Variants in TNS2 observed in about 807,000 individuals in gnomAD.
The protein encoded by TNS2 is tensin 2, also known as tensin-2.
Under a neutral mutation model 155.7 loss-of-function variants are expected in TNS2, and 77 were observed. That is an observed-to-expected ratio of 0.49 (90% CI 0.41 to 0.60). The LOEUF (loss-of-function observed/expected upper bound fraction) is 0.60, where lower values mean the gene tolerates loss of function less well. Among genes scored for constraint, TNS2 ranks in the 20% least tolerant of loss-of-function variants. The pLI is 0.00. For missense variants in TNS2, 1,703 were observed against 1,868.8 expected, an observed-to-expected ratio of 0.91 and a Z score of 1.64; for synonymous variants, 726 against 763.9, an observed-to-expected ratio of 0.95 and a Z score of 0.82.
intron 4 of TNS2, 26 bp from the exon 5 acceptor site, chr12:53,053,748 C>T (rs1198067078): frequency 2.5e-6 from 4 of 1,609,494 alleles, no homozygotes; most frequent in African/African-American, 1.3e-5. Context: ...CTAACCACTC[C>T]CTTTTCCTCC....
chr12:53,058,133 C>T, intron 14 of TNS2, 31 bp downstream of exon 14: 2 of 1,614,004 alleles, frequency 1.2e-6, no homozygotes, highest in Non-Finnish European at 1.7e-6. Flanking sequence ...AAGAAGAATC[C>T]TGGAGATGGG....
In TNS2 at chr12:53,063,378, A is replaced by C. The variant is rs1944445211; in HGVS notation, c.4022A>C (p.Asn1341Thr). ...TTCTTTCGCCGCCATTATCCAGTGA[A>C]CAGCATCACCTTCTCCAGCACTGAC... ...KLFFRRHYPVNSITFSSTDPQ... is the reference protein window; with the variant it reads ...KLFFRRHYPVTSITFSSTDPQ... The change falls in exon 27 of 29, where the codon AAC becomes ACC. Residue 1341 changes from asparagine (N) to threonine (T), a missense_variant. Asn to Thr is a moderately conservative substitution (Grantham distance 65, BLOSUM62 0). Coordinates refer to ENST00000314250, the MANE Select transcript of TNS2 (RefSeq NM_170754.4). The surrounding 1 kb of genome is among the most constrained non-coding windows in gnomAD (Gnocchi z 5.6). The C allele has an allele frequency of 6.2e-7, 1 of 1,613,906 alleles. No homozygotes were observed. The highest frequency in any genetic ancestry group is 8.5e-7 in the Non-Finnish European group (1 of 1,179,952).
chr12:53,056,612 GTCTCTTCC>G (rs1555158466), intron 10 of TNS2, among the ~76,000 whole-genome samples: 1 of 152,152 alleles, frequency 6.6e-6, no homozygotes, highest in Non-Finnish European at 1.5e-5. Flanking sequence ...CTCTGTCTGT[GTCTCTTCC>G]TCTCTTCTTA....
At chr12:53,062,895 TG>T in intron 25 of TNS2, 193 bp from the exon 26 acceptor site, 1 of 921,192 alleles carries the variant, frequency 1.1e-6, no homozygotes, top group Non-Finnish European at 1.6e-6. Flanking sequence ...AAGACGATCA[TG>T]GGGTGGTAGC....
chr12:53,052,615 C>A, intron 3 of TNS2, 123 bp downstream of exon 3: 1 of 1,360,060 alleles, frequency 7.4e-7, no homozygotes, highest in Non-Finnish European at 1.0e-6. Context: ...ACTGGGGAAC[C>A]CCTCCTGGGT....
Position 53,059,713 on chromosome 12 carries a change from C to T in TNS2, c.2072C>T (p.Pro691Leu), listed in dbSNP as rs1037961663. 1.1e-5 allele frequency: 18 copies of T among 1,613,146 alleles called. No individual in the cohort carries two copies. The highest frequency in any genetic ancestry group is 1.5e-5 in the Non-Finnish European group (18 of 1,179,920). The change falls in exon 18 of 29, where the codon CCA becomes CTA. Residue 691 changes from proline to leucine, a missense_variant. Physicochemically the swap from Pro to Leu is moderately conservative, Grantham distance 98. Coordinates refer to ENST00000314250, the MANE Select transcript of TNS2 (RefSeq NM_170754.4). This position sits in a 1 kb window ranked among gnomAD's most constrained non-coding sequence, Gnocchi z 4.7. Reference sequence around the variant, plus strand: ...GGGCTGCCTGCCCTATACCCATGCCCAGCCTGCGAGGAGAAGCTGGCGCTG... The same window carrying T: ...GGGCTGCCTGCCCTATACCCATGCCTAGCCTGCGAGGAGAAGCTGGCGCTG... Reference protein sequence around the residue: ...DPGLPALYPCPACEEKLALPT... With the variant: ...DPGLPALYPCLACEEKLALPT...
In TNS2 at chr12:53,053,235, T is replaced by C. The variant is rs1193985306; in HGVS notation, c.223-176T>C. On this transcript the variant is annotated intron_variant, in intron 3 of 28. Coordinates refer to ENST00000314250, the MANE Select transcript of TNS2 (RefSeq NM_170754.4). Reference sequence around the variant, plus strand: ...AGCAACAAGTGGGGGGCCTGGGGGGTGGGGGACCAAGAGGCCAGAGGGGAG... The same window carrying C: ...AGCAACAAGTGGGGGGCCTGGGGGGCGGGGGACCAAGAGGCCAGAGGGGAG... The C allele has an allele frequency of 9.7e-6, 6 of 616,722 alleles. No individual in the cohort carries two copies. In the Admixed American group the frequency reaches 1.5e-4, roughly 16 times the overall value. 38.2% of individuals were successfully genotyped at this position (616,722 alleles called of 1,614,324 possible).
In TNS2 at chr12:53,059,044, C is replaced by T. The variant is rs772832302; in HGVS notation, c.1406-3C>T. The T allele has an allele frequency of 1.3e-6, 2 of 1,537,070 alleles. No homozygotes were observed. The highest frequency in any genetic ancestry group is 1.3e-5 in the South Asian group (1 of 79,496). On this transcript the variant is annotated splice_region_variant and splice_polypyrimidine_tract_variant and intron_variant, in intron 17 of 28. Transcript: ENST00000314250. This position sits in a 1 kb window ranked among gnomAD's most constrained non-coding sequence, Gnocchi z 4.7. ...TCCCTCCCTGATCCTCTTCCCCACT[C>T]AGGCTCCTTGACCCACACCCGGGGT...
chr12:53,052,578 C>T, intron 3 of TNS2, 86 bp downstream of exon 3: 1 of 1,546,914 alleles, frequency 6.5e-7, no homozygotes, highest in Non-Finnish European at 8.9e-7. Flanking sequence ...ACACTGGCAT[C>T]AACCCTCCAC....
upstream of TNS2, among the ~76,000 whole-genome samples, chr12:53,047,243 TC>T (rs1458294638): frequency 1.3e-4 from 17 of 131,376 alleles, no homozygotes; most frequent in Admixed American, 1.3e-3. Flanking sequence ...GGCCGCCCGC[TC>T]CCGCCACTGC....
At chr12:53,062,946 TAG>T (rs1944429623) in intron 25 of TNS2, 141 bp from the exon 26 acceptor site, 18 of 1,137,512 alleles carry the variant, frequency 1.6e-5, no homozygotes, top group Non-Finnish European at 2.2e-5. Context: ...GTAGATCCAG[TAG>T]AGTCATGGAA....
Position 53,059,139 on chromosome 12 carries a change from G to T in TNS2, c.1498G>T (p.Glu500Ter). ...GCAGACCCCCCCGGCACCCTCTCCA[G>T]AGCCTCCACCACCCCCCATGCTCTC... ...PRQTPPAPSP[E>*]PPPPPMLSVS... The change falls in exon 18 of 29, where the codon GAG (glutamate) becomes TAG (stop). Residue 500 changes from glutamate (E) to a stop codon, truncating the protein, a stop_gained. Transcript: ENST00000314250. LOFTEE classifies it high-confidence loss of function. This position sits in a 1 kb window ranked among gnomAD's most constrained non-coding sequence, Gnocchi z 4.7. 1 of 1,593,374 alleles carries T rather than the reference G, an allele frequency of 6.3e-7. No homozygotes were observed.
chr12:53,049,274 G>A (rs545414067), upstream of TNS2: 114 of 1,590,982 alleles, frequency 7.2e-5, 2 homozygotes, highest in South Asian at 1.0e-3. Context: ...CGGGGTTGCC[G>A]CGGGGGGAGG....
At chr12:53,057,876 G>A (rs1203280252) in intron 13 of TNS2, 43 bp downstream of exon 13, 13 of 1,613,074 alleles carry the variant, frequency 8.1e-6, no homozygotes, top group African/African-American at 1.3e-5. Context: ...CATGACCAGG[G>A]CCCCTCTTGC....
At chr12:53,055,375 T>C (rs1028673533) in intron 8 of TNS2, 139 bp downstream of exon 8, 3 of 1,159,476 alleles carry the variant, frequency 2.6e-6, no homozygotes, top group Non-Finnish European at 3.7e-6. Flanking sequence ...GATATATTAC[T>C]GGAGACACCC....
In TNS2 at chr12:53,060,043, C is replaced by G; in HGVS notation, c.2402C>G (p.Ala801Gly). The G allele has an allele frequency of 1.2e-6, 2 of 1,613,538 alleles. No individual in the cohort carries two copies. Among genetic ancestry groups the G allele is most frequent in the Non-Finnish European group, 1.7e-6 (2 of 1,179,930 alleles). Residue 801 changes from alanine to glycine, a missense_variant, in exon 18 of 29, where the codon GCA becomes GGA. Coordinates refer to ENST00000314250, the MANE Select transcript of TNS2 (RefSeq NM_170754.4). The surrounding 1 kb of genome is among the most constrained non-coding windows in gnomAD (Gnocchi z 6.1). ...GGAGCAGTTCCCAGTTACTGCCCAGCATATGGCCGTGTGCCTCATAGCTGT... is the reference window on the plus strand; with the variant it reads ...GGAGCAGTTCCCAGTTACTGCCCAGGATATGGCCGTGTGCCTCATAGCTGT... ...YGGAVPSYCP[A>G]YGRVPHSCGS... is the part of the protein sequence containing the mutation.
At chr12:53,052,632 G>C in intron 3 of TNS2, 140 bp downstream of exon 3, 2 of 1,201,874 alleles carry the variant, frequency 1.7e-6, no homozygotes, top group African/African-American at 1.5e-5. Context: ...GGGTGGGAGG[G>C]GTGCTGTACT....
chr12:53,051,762 CA>C, intron 1 of TNS2, 92 bp from the exon 2 acceptor site: 1 of 950,184 alleles, frequency 1.1e-6, no homozygotes, highest in South Asian at 1.6e-5. Flanking sequence ...CGGAGAAAAC[CA>C]GTGCAGTGCT....
rs1462097609 is a variant in TNS2 at position 53,059,152 on chromosome 12, C to G, written c.1511C>G (p.Pro504Arg). 6.3e-7 allele frequency: 1 copy of G among 1,598,528 alleles called. No homozygotes were observed. The highest frequency in any genetic ancestry group is 1.7e-5 in the Admixed American group (1 of 59,040). The change falls in exon 18 of 29, where the codon CCC (proline) becomes CGC (arginine). Residue 504 changes from proline to arginine, a missense_variant. Pro to Arg is a moderately radical substitution (Grantham distance 103). Transcript: ENST00000314250. The surrounding 1 kb of genome is among the most constrained non-coding windows in gnomAD (Gnocchi z 4.7). ...PPAPSPEPPPPPMLSVSSDSG... is the reference protein window; with the variant it reads ...PPAPSPEPPPRPMLSVSSDSG... ...GCACCCTCTCCAGAGCCTCCACCAC[C>G]CCCCATGCTCTCTGTCAGCAGCGAC...
Sources: gnomAD v4.1 joint callset for allele counts (sites outside exome capture counted in the v4.1 genomes callset) on GRCh38, gnomAD v4.1.1 for gene constraint, Gnocchi (gnomAD v3.1) non-coding constraint, MANE v1.5 for transcripts, NCBI Gene and HGNC (gene_info 2026-07-23, HGNC 2026-07-21) for gene names.